Variants in PHPT1 observed in about 807,000 individuals in gnomAD.
PHPT1 encodes 14 kDa phosphohistidine phosphatase.
A neutral mutation model predicts 15.6 loss-of-function variants in PHPT1; 16 were observed. The observed-to-expected ratio is 1.03, with a 90% CI of 0.70 to 1.56. The LOEUF is 1.56. Among genes scored for constraint, PHPT1 ranks in the 40% most tolerant of loss-of-function variants. PHPT1 has a pLI of 0.00. For missense variants in PHPT1, 228 were observed against 171.0 expected, an observed-to-expected ratio of 1.33 and a Z score of -1.86; for synonymous variants, 102 against 68.1, an observed-to-expected ratio of 1.50 and a Z score of -2.45.
chr9:136,850,897 C>T lies in PHPT1; in HGVS notation c.*50C>T, dbSNP rs184227425. 1.2e-4 allele frequency: 160 copies of T among 1,382,398 alleles called. No homozygotes were observed. In the African/African-American group the frequency reaches 1.2e-3, roughly 10 times the overall value. The allele number at this position is 1,382,398 out of a possible 1,614,324, so 85.6% of individuals were successfully genotyped here. A position where few individuals can be genotyped will look rare whatever the true frequency, so the allele number is the denominator to read the frequency against. On this transcript the variant is annotated 3_prime_UTR_variant, in exon 3 of 3. Coordinates refer to ENST00000247665, the MANE Select transcript of PHPT1 (RefSeq NM_014172.6). ...CCTCCAGCAGCCACTTCAGAGCCCC[C>T]GCCTTTGCCTGCACTCCTCTTGCAG...
chr9:136,850,237 A>G, intron 2 of PHPT1, 100 bp downstream of exon 2: 1 of 1,515,412 alleles, frequency 6.6e-7, no homozygotes. Flanking sequence ...CTGAGCACGC[A>G]GGCTTCCTGG....
rs758468790 is a variant in PHPT1 at position 136,850,474 on chromosome 9, C to T, written c.286-281C>T. ...AGTACCTGGGTGGAGCTCAGAGTCCCCACCTGTGCTCTTCACAAAAACCAC... is the reference window on the plus strand; with the variant it reads ...AGTACCTGGGTGGAGCTCAGAGTCCTCACCTGTGCTCTTCACAAAAACCAC... On this transcript the variant is annotated intron_variant, in intron 2 of 2. Coordinates refer to ENST00000247665, the MANE Select transcript of PHPT1 (RefSeq NM_014172.6). 1.2e-5 allele frequency: 19 copies of T among 1,595,532 alleles called. No individual in the cohort carries two copies. In the Admixed American group the frequency reaches 1.4e-4, roughly 11 times the overall value.
intron 2 of PHPT1, chr9:136,850,453 C>A: frequency 6.6e-7 from 1 of 1,524,286 alleles, no homozygotes; most frequent in Non-Finnish European, 9.0e-7. Flanking sequence ...GCAGTCAGTA[C>A]CTGGGTGGAG....
At chr9:136,850,177 T>C in intron 2 of PHPT1, 40 bp downstream of exon 2, 1 of 1,612,128 alleles carries the variant, frequency 6.2e-7, no homozygotes. Flanking sequence ...GAGGCCCCAG[T>C]ACCAGCTTCG....
chr9:136,850,897 C>A lies in PHPT1; in HGVS notation c.*50C>A. Reference sequence around the variant, plus strand: ...CCTCCAGCAGCCACTTCAGAGCCCCCGCCTTTGCCTGCACTCCTCTTGCAG... The same window carrying A: ...CCTCCAGCAGCCACTTCAGAGCCCCAGCCTTTGCCTGCACTCCTCTTGCAG... On this transcript the variant is annotated 3_prime_UTR_variant, in exon 3 of 3. Transcript: ENST00000247665. 1 of 1,382,398 alleles carries A rather than the reference C, an allele frequency of 7.2e-7. No homozygotes were observed. The highest frequency in any genetic ancestry group is 1.2e-5 in the South Asian group (1 of 86,538). 85.6% of individuals were successfully genotyped at this position (1,382,398 alleles called of 1,614,324 possible). A position where few individuals can be genotyped will look rare whatever the true frequency, so the allele number is the denominator to read the frequency against.
intron 2 of PHPT1, chr9:136,850,422 T>C: frequency 7.8e-7 from 1 of 1,287,670 alleles, no homozygotes; most frequent in Non-Finnish European, 1.1e-6. Context: ...CTCCAGCACT[T>C]TGGGCCCTGG....
chr9:136,850,463 G>A, intron 2 of PHPT1: 1 of 1,573,964 alleles, frequency 6.4e-7, no homozygotes, highest in African/African-American at 1.3e-5. Flanking sequence ...CCTGGGTGGA[G>A]CTCAGAGTCC....
Position 136,850,906 on chromosome 9 carries a change from C to A in PHPT1, c.*59C>A. On this transcript the variant is annotated 3_prime_UTR_variant, in exon 3 of 3. Transcript: ENST00000247665. ...GCCACTTCAGAGCCCCCGCCTTTGC[C>A]TGCACTCCTCTTGCAGGGCTGGCCC... is the stretch of plus-strand genomic sequence containing the variant. The A allele has an allele frequency of 7.9e-7, 1 of 1,270,814 alleles. No individual in the cohort carries two copies. The highest frequency in any genetic ancestry group is 1.2e-6 in the Non-Finnish European group (1 of 868,560). 78.7% of individuals were successfully genotyped at this position (1,270,814 alleles called of 1,614,324 possible). A position where few individuals can be genotyped will look rare whatever the true frequency, so the allele number is the denominator to read the frequency against.
chr9:136,849,637 GGGGGCGGGGCTGGC>G, intron 1 of PHPT1, 47 bp downstream of exon 1: 1 of 1,451,506 alleles, frequency 6.9e-7, no homozygotes, highest in Non-Finnish European at 9.2e-7. Flanking sequence ...CTGGCGAGGC[GGGGGCGGGGCTGGC>G]GGGACGGAGA....
In PHPT1 at chr9:136,849,450, C is replaced by T. The variant is rs374108538; in HGVS notation, c.20C>T (p.Ala7Val). The change falls in exon 1 of 3, where the codon GCT (alanine) becomes GTT (valine). Residue 7 changes from alanine to valine, a missense_variant. Coordinates refer to ENST00000247665, the MANE Select transcript of PHPT1 (RefSeq NM_014172.6). The stretch of plus-strand genomic sequence containing the variant: ...AGGAACATGGCGGTGGCGGACCTCG[C>T]TCTCATTCCTGATGTGGACATCGAC... Reference protein sequence around the residue: MAVADLALIPDVDIDSD... With the variant: MAVADLVLIPDVDIDSD... 51 of 1,607,036 alleles carry T rather than the reference C, an allele frequency of 3.2e-5. No homozygotes were observed. The highest frequency in any genetic ancestry group is 4.2e-5 in the Non-Finnish European group (49 of 1,176,874).
Position 136,850,247 on chromosome 9 carries a change from G to A in PHPT1, c.285+110G>A, listed in dbSNP as rs771360442. 2.0e-5 allele frequency: 30 copies of A among 1,467,120 alleles called. No homozygotes were observed. In the South Asian group the frequency reaches 3.5e-4, roughly 17 times the overall value. The allele number at this position is 1,467,120 out of a possible 1,614,324, so 90.9% of individuals were successfully genotyped here. On this transcript the variant is annotated intron_variant, in intron 2 of 2. Transcript: ENST00000247665. ...CCCAGCTGAGCACGCAGGCTTCCTG[G>A]GGTTCTCCCAGGGTCGGCGGCAGAG...
In PHPT1 at chr9:136,851,011, C is replaced by T. The variant is rs774746053; in HGVS notation, c.*164C>T. 1.1e-5 allele frequency: 8 copies of T among 759,176 alleles called. No homozygotes were observed. The highest frequency in any genetic ancestry group is 5.1e-5 in the Admixed American group (3 of 58,668). 47.0% of individuals were successfully genotyped at this position (759,176 alleles called of 1,614,324 possible). ...AGGCTAGCCTGGCCACAGAATTAAA[C>T]GTGTTGCCACACCTGCCGGCTTCTG... On this transcript the variant is annotated 3_prime_UTR_variant, in exon 3 of 3. Coordinates refer to ENST00000247665, the MANE Select transcript of PHPT1 (RefSeq NM_014172.6).
In PHPT1 at chr9:136,850,094, A is replaced by C. The variant is rs1442327796; in HGVS notation, c.242A>C (p.His81Pro). ...TGTCTGGGCGGCGGGCGCATCTCCC[A>C]CCAGAGTCAGGACAAGAAGATTCAC... ...CECLGGGRISHQSQDKKIHVY... is the reference protein window; with the variant it reads ...CECLGGGRISPQSQDKKIHVY... Residue 81 changes from histidine (H) to proline (P), a missense_variant, in exon 2 of 3, where the codon CAC (histidine) becomes CCC (proline). Physicochemically the swap from His to Pro is moderately conservative, Grantham distance 77. Transcript: ENST00000247665. 1 of 1,613,084 alleles carries C rather than the reference A, an allele frequency of 6.2e-7. No individual in the cohort carries two copies. The highest frequency in any genetic ancestry group is 1.1e-5 in the South Asian group (1 of 91,086).
At chr9:136,850,321 C>T in intron 2 of PHPT1, 184 bp downstream of exon 2, 2 of 863,152 alleles carry the variant, frequency 2.3e-6, no homozygotes, top group Admixed American at 2.3e-5. Context: ...ATGGAGCACA[C>T]GCCAGACCTG....
chr9:136,850,769 C>T lies in PHPT1; in HGVS notation c.300C>T (p.Ala100=), dbSNP rs753132305. ...VYGYSMAYGP[A]QHAISTEKIK... is the part of the protein sequence containing the mutation. ...CTCTTCTCCAGGCCTATGGTCCTGC[C>T]CAGCACGCCATTTCAACTGAGAAAA... Residue 100 remains alanine, a synonymous_variant, in exon 3 of 3, where the codon GCC becomes GCT. Transcript: ENST00000247665. 1.2e-6 allele frequency: 2 copies of T among 1,613,088 alleles called. No homozygotes were observed. Among genetic ancestry groups the T allele is most frequent in the South Asian group, 1.1e-5 (1 of 91,078 alleles).
At chr9:136,849,980 A>G (rs1554773474) in intron 1 of PHPT1, 33 bp from the exon 2 acceptor site, 1 of 1,592,750 alleles carries the variant, frequency 6.3e-7, no homozygotes, top group Admixed American at 1.7e-5. Flanking sequence ...AAGGGCGGCC[A>G]GGGCACGTCC....
At chr9:136,850,709 G>C (rs370431413) in intron 2 of PHPT1, 46 bp from the exon 3 acceptor site, 5 of 1,546,950 alleles carry the variant, frequency 3.2e-6, no homozygotes, top group South Asian at 1.1e-5. Context: ...CCGGGTATCG[G>C]GTTGAAGGGT....
chr9:136,850,494 AACC>A lies in PHPT1; in HGVS notation c.286-256_286-254del, dbSNP rs1848885580. The A allele has an allele frequency of 1.9e-6, 3 of 1,610,910 alleles. No individual in the cohort carries two copies. In the East Asian group the frequency reaches 6.7e-5, roughly 36 times the overall value. On this transcript the variant is annotated intron_variant, in intron 2 of 2. Transcript: ENST00000247665. ...AGTCCCCACCTGTGCTCTTCACAAAAACCACCAGCAGATGAGACCCACGTGCGT... is the reference window on the plus strand; with the variant it reads ...AGTCCCCACCTGTGCTCTTCACAAAAACCAGCAGATGAGACCCACGTGCGT...
rs543409842 is a variant in PHPT1, at chr9:136,850,328, C to A, written c.285+191C>A. 36 of 860,988 alleles carry A rather than the reference C, an allele frequency of 4.2e-5. No homozygotes were observed. In the East Asian group the frequency reaches 8.8e-4, roughly 21 times the overall value. 53.3% of individuals were successfully genotyped at this position (860,988 alleles called of 1,614,324 possible). A position where few individuals can be genotyped will look rare whatever the true frequency, so the allele number is the denominator to read the frequency against. On this transcript the variant is annotated intron_variant, in intron 2 of 2. Coordinates refer to ENST00000247665, the MANE Select transcript of PHPT1 (RefSeq NM_014172.6). ...ATTCCCCCATGGAGCACACGCCAGA[C>A]CTGAGGGGTGGGACGGACACCCCCA...
Sources: gnomAD v4.1 joint callset for allele counts on GRCh38, gnomAD v4.1.1 for gene constraint, MANE v1.5 for transcripts, NCBI Gene and HGNC (gene_info 2026-07-23, HGNC 2026-07-21) for gene names.